ANKS1B: variants seen among roughly 807,000 people sequenced by gnomAD.
ANKS1B encodes the protein ankyrin repeat and sterile alpha motif domain-containing protein 1B.
A neutral mutation model predicts 148.3 loss-of-function variants in ANKS1B; 36 were observed. The ratio of observed to expected loss-of-function variants is 0.24; its 90% CI spans 0.19 to 0.32. The LOEUF (loss-of-function observed/expected upper bound fraction) is 0.32. Among genes scored for constraint, ANKS1B ranks in the 10% least tolerant of loss-of-function variants. The pLI, the probability that ANKS1B is intolerant of heterozygous loss-of-function variation, is 1.00. For missense variants in ANKS1B, 1,157 were observed against 1,542.6 expected (o/e 0.75, Z 4.19); for synonymous variants, 542 against 560.8 (o/e 0.97, Z 0.47).
rs138021419 is a variant in ANKS1B at position 99,833,956 on chromosome 12, A to G, written c.135-8567T>C. Among the ~76,000 whole-genome samples the G allele has an allele frequency of 3.3e-4, 50 of 152,290 alleles. No homozygotes were observed. In the East Asian group the frequency reaches 8.1e-3, roughly 25 times the overall value. On this transcript the variant is annotated intron_variant, in intron 1 of 26. Transcript: ENST00000683438. ...AGGAGGTTTAGAATGGAAAGTTAGC[A>G]TATATCTAAATATATTCAACTGCAC...
At chr12:99,150,346 C>T (rs1429496476) in intron 15 of ANKS1B, among the ~76,000 whole-genome samples, 3 of 152,130 alleles carry the variant, frequency 2.0e-5, no homozygotes, top group Admixed American at 6.6e-5. Flanking sequence ...AACTTAACTC[C>T]TAATTCTAGA....
At chr12:99,890,570 G>GGTGTGTGT (rs10603901) in intron 1 of ANKS1B, among the ~76,000 whole-genome samples, 185 of 138,032 alleles carry the variant, frequency 1.3e-3, no homozygotes, top group East Asian at 2.2e-3. Context: ...TCGCATTCAT[G>GGTGTGTGT]GTGTGTGTGT....
intron 9 of ANKS1B, among the ~76,000 whole-genome samples, chr12:99,651,417 T>C (rs1353395802): frequency 2.0e-5 from 3 of 152,176 alleles, no homozygotes; most frequent in African/African-American, 7.2e-5. Context: ...CATATGATAC[T>C]GGAGACCCCC....
intron 11 of ANKS1B, among the ~76,000 whole-genome samples, chr12:99,421,325 G>A (rs973917041): frequency 5.3e-5 from 8 of 152,110 alleles, no homozygotes; most frequent in Non-Finnish European, 8.8e-5. Context: ...CAATAGGTTC[G>A]GAAGAAAATA....
At chr12:99,437,983 T>A (rs1302265324) in intron 11 of ANKS1B, among the ~76,000 whole-genome samples, 3 of 151,982 alleles carry the variant, frequency 2.0e-5, no homozygotes, top group Non-Finnish European at 4.4e-5. Flanking sequence ...CCCTCATAAT[T>A]GCCAAATAAA....
intron 17 of ANKS1B, among the ~76,000 whole-genome samples, chr12:98,979,438 T>A (rs2099905418): frequency 6.6e-6 from 1 of 151,566 alleles, no homozygotes; most frequent in Non-Finnish European, 1.5e-5. Context: ...CAGCTAATTT[T>A]TTTTTTGTAT....
In ANKS1B at chr12:98,879,589, G is replaced by GT. The variant is rs1001723269; in HGVS notation, c.2779-47454dup. ...TCTTTATGTATTTCTCTTGCTTCTT[G>GT]TTTTTTTTCCCCTCTCCTCCAATAT... is the stretch of plus-strand genomic sequence containing the variant. On this transcript the variant is annotated intron_variant, in intron 17 of 26. Transcript: ENST00000683438. 1.2e-4 allele frequency among the ~76,000 whole-genome samples: 18 copies of GT among 151,798 alleles called. No homozygotes were observed. In the Middle Eastern group the frequency reaches 0.01, roughly 86 times the overall value.
intron 17 of ANKS1B, among the ~76,000 whole-genome samples, chr12:98,971,055 A>G (rs886970429): frequency 1.3e-5 from 2 of 152,224 alleles, no homozygotes; most frequent in African/African-American, 4.8e-5. Context: ...CCTGAAAAAC[A>G]GGGAATTTAG....
intron 14 of ANKS1B, among the ~76,000 whole-genome samples, chr12:99,222,725 A>G (rs1389350337): frequency 6.6e-6 from 1 of 152,216 alleles, no homozygotes; most frequent in African/African-American, 2.4e-5. Flanking sequence ...TTATTGAGAT[A>G]TGAATTGTTG....
At chr12:99,484,762 G>GTTTTTT (rs1480334733) in intron 10 of ANKS1B, among the ~76,000 whole-genome samples, 1 of 112,250 alleles carries the variant, frequency 8.9e-6, no homozygotes, top group African/African-American at 4.3e-5. Flanking sequence ...GTGTGTGTGT[G>GTTTTTT]TGTTTTTTTT....
chr12:99,631,771 T>C (rs544470106), intron 9 of ANKS1B, among the ~76,000 whole-genome samples: 2 of 152,038 alleles, frequency 1.3e-5, no homozygotes, highest in Admixed American at 6.6e-5. Context: ...ACACTGAGAA[T>C]TGAAAGCAAA....
chr12:99,443,940 G>A (rs951263445), intron 10 of ANKS1B, 131 bp from the exon 11 acceptor site: 25 of 1,043,336 alleles, frequency 2.4e-5, no homozygotes, highest in Non-Finnish European at 5.6e-6. Context: ...TCATAATGAG[G>A]AATATGCTCA....
chr12:98,847,820 T>C (rs1306784125), intron 17 of ANKS1B, among the ~76,000 whole-genome samples: 7 of 152,164 alleles, frequency 4.6e-5, no homozygotes, highest in Admixed American at 1.3e-4. Context: ...GGTCTCAAAC[T>C]CCTGACCTTA....
intron 25 of ANKS1B, among the ~76,000 whole-genome samples, chr12:98,770,702 A>G (rs2098554538): frequency 6.6e-6 from 1 of 152,134 alleles, no homozygotes; most frequent in Non-Finnish European, 1.5e-5. Flanking sequence ...ATGTAGCATG[A>G]TACAAATGCT....
chr12:99,808,487 G>A lies in ANKS1B; in HGVS notation c.373-1787C>T, dbSNP rs144708549. Among the ~76,000 whole-genome samples, 415 of 152,246 alleles carry A rather than the reference G, an allele frequency of 2.7e-3. 1 individual carries two copies. The highest frequency in any genetic ancestry group is 8.9e-3 in the African/African-American group (372 of 41,572). The stretch of plus-strand genomic sequence containing the variant: ...ATCAATGAAAAGTTAAGACCTGTTA[G>A]ATGGGGAATCCAGCTGAGGGTACTG... On this transcript the variant is annotated intron_variant, in intron 3 of 26. Transcript: ENST00000683438.
chr12:99,317,216 T>C (rs574262606), intron 12 of ANKS1B, among the ~76,000 whole-genome samples: 19 of 152,236 alleles, frequency 1.2e-4, no homozygotes, highest in Non-Finnish European at 2.6e-4. Flanking sequence ...AAGTCATTGG[T>C]AGCTTGATGG....
Position 99,859,402 on chromosome 12 carries a change from C to T in ANKS1B, c.135-34013G>A, listed in dbSNP as rs568861097. 7.9e-5 allele frequency among the ~76,000 whole-genome samples: 12 copies of T among 152,294 alleles called. No homozygotes were observed. The South Asian group carries it at 2.5e-3, about 32-fold the overall frequency. On this transcript the variant is annotated intron_variant, in intron 1 of 26. Transcript: ENST00000683438. ...GTTTTGGAAGCAAAGTAAGCCCTTA[C>T]ATTGACAAGTTTGACATATAATTCT...
intron 10 of ANKS1B, among the ~76,000 whole-genome samples, chr12:99,460,741 A>T (rs2095944686): frequency 6.6e-6 from 1 of 152,038 alleles, no homozygotes; most frequent in African/African-American, 2.4e-5. Flanking sequence ...ACAAAAAAAA[A>T]AAATGGATGT....
chr12:99,183,026 T>C (rs1192628568), intron 14 of ANKS1B, among the ~76,000 whole-genome samples: 1 of 152,234 alleles, frequency 6.6e-6, no homozygotes, highest in Non-Finnish European at 1.5e-5. Flanking sequence ...CTTTTTCCTG[T>C]AGAGTTGTTT....
Sources: allele counts gnomAD v4.1 joint callset (sites outside exome capture counted in the v4.1 genomes callset), GRCh38; gene constraint gnomAD v4.1.1; transcripts MANE v1.5; gene names NCBI Gene and HGNC (gene_info 2026-07-23, HGNC 2026-07-21).